Variants in TMEM245 observed in about 807,000 individuals in gnomAD.
The protein encoded by TMEM245 is protein CG-2.
TMEM245 carries 69 observed loss-of-function variants against 101.2 expected under a neutral mutation model. The ratio of observed to expected loss-of-function variants is 0.68; its 90% confidence interval spans 0.56 to 0.83. The LOEUF (loss-of-function observed/expected upper bound fraction) is 0.83, where lower values mean the gene tolerates loss of function less well. Among genes scored for constraint, TMEM245 ranks in the 40% least tolerant of loss-of-function variants. The probability of loss-of-function intolerance (pLI) is 0.00; values close to 1 mark genes in which losing one functional copy is unlikely to be tolerated. For missense variants in TMEM245, 1,075 were observed against 1,092.8 expected (o/e 0.98, Z 0.23); for synonymous variants, 537 against 449.8 (o/e 1.19, Z -2.45).
At chr9:109,075,674 C>T (rs1045911860) in intron 8 of TMEM245, among the ~76,000 whole-genome samples, 2 of 152,262 alleles carry the variant, frequency 1.3e-5, no homozygotes, top group Admixed American at 6.5e-5. Context: ...TTTCAAGATC[C>T]GTGACATATG....
At chr9:109,113,799 A>G (rs1272905144) in intron 1 of TMEM245, among the ~76,000 whole-genome samples, 2 of 152,198 alleles carry the variant, frequency 1.3e-5, no homozygotes, top group African/African-American at 4.8e-5. Context: ...TAGAGAGAAT[A>G]AAACTACAGG....
intron 12 of TMEM245, among the ~76,000 whole-genome samples, chr9:109,054,935 A>G (rs1313518503): frequency 6.6e-6 from 1 of 152,240 alleles, no homozygotes; most frequent in East Asian, 1.9e-4. Flanking sequence ...ATTTCATACA[A>G]AAACTACTAA....
intron 5 of TMEM245, 49 bp from the exon 6 acceptor site, chr9:109,087,391 G>A: frequency 6.8e-7 from 1 of 1,478,036 alleles, no homozygotes. Context: ...AGATTAACAA[G>A]TTGTAACATG....
intron 10 of TMEM245, among the ~76,000 whole-genome samples, chr9:109,061,211 G>A (rs1052567175): frequency 1.3e-5 from 2 of 152,068 alleles, no homozygotes; most frequent in Non-Finnish European, 2.9e-5. Flanking sequence ...AGCTACTCAG[G>A]AGACTGAGAT....
intron 17 of TMEM245, among the ~76,000 whole-genome samples, chr9:109,028,636 A>T (rs1292562042): frequency 6.6e-6 from 1 of 152,126 alleles, no homozygotes. Flanking sequence ...GACTTAAAAA[A>T]AAAAGAGATT....
intron 7 of TMEM245, among the ~76,000 whole-genome samples, chr9:109,083,585 A>G (rs1357685276): frequency 6.6e-6 from 1 of 152,184 alleles, no homozygotes; most frequent in East Asian, 1.9e-4. Context: ...ATTTATAGTT[A>G]CACCAAAAGA....
chr9:109,060,848 T>A lies in TMEM245; in HGVS notation c.1624-396A>T, dbSNP rs1350021827. Among the ~76,000 whole-genome samples the A allele has an allele frequency of 2.6e-5, 4 of 152,310 alleles. No homozygotes were observed. The East Asian group carries it at 7.7e-4, about 29-fold the overall frequency. ...TCTATTATTAAGAATTACCACAGAA[T>A]TTTAAGTAAAATTTTAGGATGTTGG... On this transcript the variant is annotated intron_variant, in intron 10 of 17. Coordinates refer to ENST00000374586, the MANE Select transcript of TMEM245 (RefSeq NM_032012.4).
chr9:109,020,404 C>G lies in TMEM245; in HGVS notation c.*56G>C, dbSNP rs372879625. The G allele has an allele frequency of 1.8e-4, 275 of 1,552,066 alleles. No homozygotes were observed. The East Asian group carries it at 4.0e-3, about 23-fold the overall frequency. On this transcript the variant is annotated 3_prime_UTR_variant, in exon 18 of 18. Coordinates refer to ENST00000374586, the MANE Select transcript of TMEM245 (RefSeq NM_032012.4). ...GGAAGGGCAGAGGGCCACAGCTGAG[C>G]TGAACTCGCTGTCAAATTTGAACTT...
intron 10 of TMEM245, among the ~76,000 whole-genome samples, chr9:109,063,898 A>G (rs2132448969): frequency 6.6e-6 from 1 of 152,340 alleles, no homozygotes; most frequent in South Asian, 2.1e-4. Flanking sequence ...AAAGCACTTA[A>G]TCCAGTTCTG....
chr9:109,060,884 G>A (rs7850283), intron 10 of TMEM245, among the ~76,000 whole-genome samples: 72,740 of 151,912 alleles, frequency 0.48, 17,665 homozygotes, highest in Admixed American at 0.55. Context: ...CTATAAACAC[G>A]AATCCTTCCT....
At chr9:109,043,779 C>A (rs1828389734) in intron 14 of TMEM245, among the ~76,000 whole-genome samples, 1 of 152,168 alleles carries the variant, frequency 6.6e-6, no homozygotes, top group African/African-American at 2.4e-5. Context: ...TAGAGATGTT[C>A]TCCTGTCCCA....
At chr9:109,093,817 T>A (rs1049455723) in intron 3 of TMEM245, among the ~76,000 whole-genome samples, 2 of 152,210 alleles carry the variant, frequency 1.3e-5, no homozygotes, top group African/African-American at 4.8e-5. Flanking sequence ...GGGAACTTAA[T>A]GCTGGTGGAT....
chr9:109,022,617 A>G (rs1282217903), intron 17 of TMEM245, among the ~76,000 whole-genome samples: 1 of 152,122 alleles, frequency 6.6e-6, no homozygotes, highest in African/African-American at 2.4e-5. Context: ...CAGACATGAG[A>G]AATTGTCTGG....
chr9:109,080,970 CTTATCT>C (rs775254964), intron 7 of TMEM245, 27 bp from the exon 8 acceptor site: 8 of 1,398,204 alleles, frequency 5.7e-6, no homozygotes, highest in East Asian at 2.3e-5. Flanking sequence ...AAGAGAATTA[CTTATCT>C]TTAAAGTAGA....
rs375150588 is a variant in TMEM245, at chr9:109,042,785, CTTTT to C, written c.2124-4672_2124-4669del. On this transcript the variant is annotated intron_variant, in intron 14 of 17. Transcript: ENST00000374586. ...CAGAACTTCCTCCCTCTTATAAGAA[CTTTT>C]TTTTTAACTTTTCTTCTTTCATTAA... 7.0e-4 allele frequency among the ~76,000 whole-genome samples: 103 copies of C among 147,906 alleles called. 3 individuals are homozygous for C. The South Asian group carries it at 0.021, about 31-fold the overall frequency.
chr9:109,091,462 A>C (rs964619607), intron 4 of TMEM245, among the ~76,000 whole-genome samples: 3 of 152,228 alleles, frequency 2.0e-5, no homozygotes, highest in Non-Finnish European at 4.4e-5. Flanking sequence ...CATAAAACTT[A>C]TTCAAACTAT....
At chr9:109,090,004 T>C (rs971741312) in intron 5 of TMEM245, among the ~76,000 whole-genome samples, 5 of 152,186 alleles carry the variant, frequency 3.3e-5, no homozygotes, top group Non-Finnish European at 5.9e-5. Context: ...CTCACTCCTG[T>C]AATGCCAGCA....
chr9:109,037,111 T>A (rs1036629007), intron 15 of TMEM245, among the ~76,000 whole-genome samples: 10 of 151,706 alleles, frequency 6.6e-5, no homozygotes, highest in African/African-American at 2.4e-4. Flanking sequence ...TAGAGGCAAA[T>A]GTGGAAGGCA....
chr9:109,087,653 T>A (rs1293893699), intron 5 of TMEM245, among the ~76,000 whole-genome samples: 1 of 152,206 alleles, frequency 6.6e-6, no homozygotes, highest in Non-Finnish European at 1.5e-5. Flanking sequence ...TTTCAGTGAC[T>A]ACAATTCTGG....
Sources: allele counts gnomAD v4.1 joint callset (sites outside exome capture counted in the v4.1 genomes callset), GRCh38; gene constraint gnomAD v4.1.1; transcripts MANE v1.5; gene names NCBI Gene and HGNC (gene_info 2026-07-23, HGNC 2026-07-21).